LAMA4: variants seen among roughly 807,000 people sequenced by gnomAD.
LAMA4 encodes laminin subunit alpha-4.
Under a neutral mutation model 207.1 loss-of-function variants are expected in LAMA4, and 127 were observed. The ratio of observed to expected loss-of-function variants is 0.61; its 90% CI spans 0.53 to 0.71. LAMA4 has a LOEUF of 0.71. Among genes scored for constraint, LAMA4 ranks in the 30% least tolerant of loss-of-function variants. The probability of loss-of-function intolerance (pLI) is 0.00; values close to 1 mark genes in which losing one functional copy is unlikely to be tolerated. For missense variants in LAMA4, 2,093 were observed against 2,246.5 expected (o/e 0.93, Z 1.38); for synonymous variants, 761 against 816.0 (o/e 0.93, Z 1.15).
chr6:112,153,305 G>A (rs59008060), intron 16 of LAMA4, among the ~76,000 whole-genome samples: 6,110 of 152,194 alleles, frequency 0.04, 401 homozygotes, highest in African/African-American at 0.14. Flanking sequence ...ACAAATGTGT[G>A]TATTATCAAA....
rs1554329091 is a variant in LAMA4, at chr6:112,129,976, G to C, written c.4033C>G (p.Gln1345Glu). Reference sequence around the variant, plus strand: ...AACTTCTTTTCACTTGCTTGTGTCTGTTCTATTTTCCCTTTGGTAGGATTC... The same window carrying C: ...AACTTCTTTTCACTTGCTTGTGTCTCTTCTATTTTCCCTTTGGTAGGATTC... ...SKNPTKGKIE[Q>E]TQASEKKFYF... The change falls in exon 30 of 39, where the codon CAG (glutamine) becomes GAG (glutamate). Residue 1345 changes from glutamine to glutamate, a missense_variant. By Grantham distance (29) the Gln-to-Glu change is conservative. This residue lies in a region of LAMA4 where 1,704 missense variants were observed against 1,788.4 expected (regional missense o/e 0.95). Transcript: ENST00000230538. 6.2e-7 allele frequency: 1 copy of C among 1,612,926 alleles called. No individual in the cohort carries two copies. Among genetic ancestry groups the C allele is most frequent in the African/African-American group, 1.3e-5 (1 of 74,848 alleles).
At chr6:112,190,938 T>TCTTTCTTTCTTA (rs1783047097) in intron 6 of LAMA4, among the ~76,000 whole-genome samples, 1 of 59,880 alleles carries the variant, frequency 1.7e-5, no homozygotes, top group Non-Finnish European at 3.3e-5. Flanking sequence ...TTTCTTTCTT[T>TCTTTCTTTCTTA]CTTTCTTTCC....
intron 26 of LAMA4, 66 bp downstream of exon 26, chr6:112,134,401 C>T: frequency 1.3e-6 from 2 of 1,527,196 alleles, no homozygotes; most frequent in Non-Finnish European, 1.8e-6. Flanking sequence ...GTTACTAGAC[C>T]TCTCCTGGAT....
intron 3 of LAMA4, among the ~76,000 whole-genome samples, chr6:112,210,407 C>T (rs1784299648): frequency 6.6e-6 from 1 of 152,020 alleles, no homozygotes. Flanking sequence ...AACTTTTAGC[C>T]AGTGGTTAAG....
At chr6:112,245,296 T>C (rs1786829166) in intron 2 of LAMA4, among the ~76,000 whole-genome samples, 3 of 152,312 alleles carry the variant, frequency 2.0e-5, no homozygotes, top group East Asian at 3.9e-4. Flanking sequence ...GGCTCTGTGT[T>C]GTGATTCTAG....
At chr6:112,233,749 T>A (rs1583967331) in intron 2 of LAMA4, among the ~76,000 whole-genome samples, 1 of 152,218 alleles carries the variant, frequency 6.6e-6, no homozygotes, top group African/African-American at 2.4e-5. Flanking sequence ...AAACTTATAT[T>A]CTGTCTGTTG....
intron 16 of LAMA4, 111 bp from the exon 17 acceptor site, chr6:112,150,738 G>T: frequency 1.3e-6 from 1 of 799,004 alleles, no homozygotes; most frequent in Non-Finnish European, 2.2e-6. Context: ...TGCAGTATTT[G>T]CAGTATTCTG....
chr6:112,138,993 T>C, intron 24 of LAMA4, 127 bp downstream of exon 24: 1 of 958,150 alleles, frequency 1.0e-6, no homozygotes, highest in Non-Finnish European at 1.6e-6. Context: ...AAATCCAATT[T>C]GACTTTCTAA....
intron 2 of LAMA4, among the ~76,000 whole-genome samples, chr6:112,223,762 T>C (rs75022233): frequency 0.028 from 4,278 of 152,290 alleles, 203 homozygotes; most frequent in African/African-American, 0.096. Context: ...GCAGGACATG[T>C]CTTTCCTTCC....
chr6:112,154,661 T>G (rs1780596264), intron 16 of LAMA4, 190 bp downstream of exon 16: 4 of 612,396 alleles, frequency 6.5e-6, no homozygotes, highest in Non-Finnish European at 1.2e-5. Flanking sequence ...ATAGCATTTT[T>G]TTTTTCAATC....
intron 19 of LAMA4, among the ~76,000 whole-genome samples, chr6:112,144,438 C>T (rs952121223): frequency 6.6e-6 from 1 of 152,112 alleles, no homozygotes; most frequent in Non-Finnish European, 1.5e-5. Context: ...AATATAAGAA[C>T]GAATTGAGGC....
intron 12 of LAMA4, 53 bp from the exon 13 acceptor site, chr6:112,165,329 C>T (rs200478621): frequency 1.2e-5 from 14 of 1,184,134 alleles, no homozygotes; most frequent in East Asian, 4.7e-5. Flanking sequence ...TTAGGGAAAG[C>T]GTTGGGGAGA....
intron 31 of LAMA4, among the ~76,000 whole-genome samples, chr6:112,126,375 C>G (rs1229541268): frequency 1.3e-5 from 2 of 152,124 alleles, no homozygotes; most frequent in Admixed American, 6.5e-5. Flanking sequence ...CAGCAAGACT[C>G]TATTAGAATT....
At chr6:112,212,835 C>G (rs60571526) in intron 3 of LAMA4, among the ~76,000 whole-genome samples, 7,608 of 152,190 alleles carry the variant, frequency 0.05, 586 homozygotes, top group African/African-American at 0.17. Context: ...GATGAATATG[C>G]TGGTTTATTG....
intron 2 of LAMA4, among the ~76,000 whole-genome samples, chr6:112,221,206 G>T (rs1196758512): frequency 1.3e-5 from 2 of 152,142 alleles, no homozygotes; most frequent in African/African-American, 4.8e-5. Context: ...TCCAGCTCCA[G>T]CGAATGATGA....
At chr6:112,137,041 A>T (rs1454118588) in intron 24 of LAMA4, among the ~76,000 whole-genome samples, 15 of 152,080 alleles carry the variant, frequency 9.9e-5, no homozygotes, top group South Asian at 4.1e-4. Context: ...ATATGGATTT[A>T]AAAAAAGAAG....
intron 18 of LAMA4, among the ~76,000 whole-genome samples, chr6:112,147,947 C>T (rs535210246): frequency 6.6e-5 from 10 of 152,012 alleles, no homozygotes; most frequent in Non-Finnish European, 7.4e-5. Flanking sequence ...AGTGTTCATA[C>T]GAAATATATG....
At chr6:112,201,205 T>C (rs1176006514) in intron 5 of LAMA4, among the ~76,000 whole-genome samples, 2 of 152,220 alleles carry the variant, frequency 1.3e-5, no homozygotes, top group African/African-American at 4.8e-5. Context: ...TATTGCTCTA[T>C]TGACAAAAGG....
chr6:112,141,392 A>G lies in LAMA4; in HGVS notation c.2779T>C (p.Trp927Arg). 3 of 1,614,186 alleles carry G rather than the reference A, an allele frequency of 1.9e-6. No individual in the cohort carries two copies. The highest frequency in any genetic ancestry group is 2.5e-6 in the Non-Finnish European group (3 of 1,180,010). ...IPLDSKPVSS[W>R]PAYFSIVKIE... Reference sequence around the variant, plus strand: ...TTGACAATGCTGAAGTAAGCAGGCCAGGAACTGACGGGCTTGGAGTCCAGG... The same window carrying G: ...TTGACAATGCTGAAGTAAGCAGGCCGGGAACTGACGGGCTTGGAGTCCAGG... The change falls in exon 21 of 39, where the codon TGG (tryptophan) becomes CGG (arginine). Residue 927 changes from tryptophan to arginine, a missense_variant. Physicochemically the swap from Trp to Arg is moderately radical, Grantham distance 101. This residue lies in a region of LAMA4 where 1,704 missense variants were observed against 1,788.4 expected (regional missense o/e 0.95). Transcript: ENST00000230538.
Sources: gnomAD v4.1 joint callset for allele counts (sites outside exome capture counted in the v4.1 genomes callset) on GRCh38, gnomAD v4.1.1 for gene constraint, gnomAD v4.1.1 regional missense constraint, MANE v1.5 for transcripts, NCBI Gene and HGNC (gene_info 2026-07-23, HGNC 2026-07-21) for gene names.